Variants in SLC2A5 observed in about 807,000 individuals in gnomAD.
The protein encoded by SLC2A5 is solute carrier family 2, facilitated glucose transporter member 5.
Under a neutral mutation model 50.3 loss-of-function variants are expected in SLC2A5, and 56 were observed. The ratio of observed to expected loss-of-function variants is 1.11; its 90% CI spans 0.90 to 1.39. SLC2A5 has a LOEUF of 1.39. SLC2A5 is among the 40% of genes most tolerant of loss of function. The pLI is 0.00. For synonymous variants in SLC2A5, 269 were observed against 281.9 expected (o/e 0.95, Z 0.46); for missense variants, 566 against 650.1 (o/e 0.87, Z 1.41).
rs1641503966 is a variant in SLC2A5 at position 9,048,984 on chromosome 1, CTA to C, written c.294-1252_294-1251del. 4 of 362,988 alleles carry C rather than the reference CTA, an allele frequency of 1.1e-5. No homozygotes were observed. In the Admixed American group the frequency reaches 1.4e-4, roughly 13 times the overall value. 22.5% of individuals were successfully genotyped at this position (362,988 alleles called of 1,614,324 possible). A position where few individuals can be genotyped will look rare whatever the true frequency, so the allele number is the denominator to read the frequency against. Reference sequence around the variant, plus strand: ...TTTTTTTAAAACCAGCCTTAACAAACTATAAATAGAAGAACTTCTTTAAGCTG... The same window carrying C: ...TTTTTTTAAAACCAGCCTTAACAAACTAAATAGAAGAACTTCTTTAAGCTG... On this transcript the variant is annotated intron_variant, in intron 3 of 11. Transcript: ENST00000377424.
intron 3 of SLC2A5, among the ~76,000 whole-genome samples, chr1:9,055,255 C>T (rs1641719470): frequency 6.6e-6 from 1 of 151,952 alleles, no homozygotes; most frequent in South Asian, 2.1e-4. Flanking sequence ...CGGTGGCTCA[C>T]ACCTGTAATC....
upstream of SLC2A5, among the ~76,000 whole-genome samples, chr1:9,092,726 C>T (rs139169820): frequency 5.3e-5 from 8 of 152,282 alleles, no homozygotes; most frequent in East Asian, 1.5e-3. Context: ...TTCAGGGTGC[C>T]TCTTTCTTTT....
intron 2 of SLC2A5, among the ~76,000 whole-genome samples, chr1:9,083,947 A>G (rs1277606765): frequency 3.3e-5 from 5 of 152,054 alleles, no homozygotes; most frequent in Non-Finnish European, 7.4e-5. Context: ...GATCGAGACC[A>G]TCCTGGCTAA....
At chr1:9,057,010 G>A (rs923370682) in intron 3 of SLC2A5, among the ~76,000 whole-genome samples, 4 of 152,236 alleles carry the variant, frequency 2.6e-5, no homozygotes, top group Middle Eastern at 6.8e-3. Context: ...AAAAATGACC[G>A]GCCAGGCGCA....
exon 1 of SLC2A5, chr1:9,088,420 AC>A: frequency 6.6e-6 from 1 of 151,618 alleles, no homozygotes. Context: ...TTTGCCAACC[AC>A]CCCTGGTGGT....
At chr1:9,059,060 A>G (rs1045543496) in intron 1 of SLC2A5, among the ~76,000 whole-genome samples, 1 of 150,290 alleles carries the variant, frequency 6.7e-6, no homozygotes. Flanking sequence ...TGTTGGAGAG[A>G]GCTTGGGACG....
At chr1:9,052,321 G>A (rs1159488604) in intron 3 of SLC2A5, among the ~76,000 whole-genome samples, 1 of 152,052 alleles carries the variant, frequency 6.6e-6, no homozygotes, top group African/African-American at 2.4e-5. Context: ...CATACTATGT[G>A]ATTCCAACTA....
Position 9,057,559 on chromosome 1 carries a change from A to T in SLC2A5, c.182T>A (p.Phe61Tyr), listed in dbSNP as rs963107743. 9 of 1,613,902 alleles carry T rather than the reference A, an allele frequency of 5.6e-6. No homozygotes were observed. In the East Asian group the frequency reaches 2.0e-4, roughly 36 times the overall value. Residue 61 changes from phenylalanine to tyrosine, a missense_variant, in exon 3 of 12, where the codon TTC (phenylalanine) becomes TAC (tyrosine). By Grantham distance (22) the Phe-to-Tyr change is conservative. Transcript: ENST00000377424. The stretch of plus-strand genomic sequence containing the variant: ...CAACGTCAAGGGGAAGTCTTCCATG[A>T]ATTCACCGGTCCTACCATAGTAAGT... ...NETYYGRTGEFMEDFPLTLLW... is the reference protein window; with the variant it reads ...NETYYGRTGEYMEDFPLTLLW...
intron 1 of SLC2A5, among the ~76,000 whole-genome samples, chr1:9,064,849 T>G (rs1415725013): frequency 6.6e-6 from 1 of 151,870 alleles, no homozygotes; most frequent in Non-Finnish European, 1.5e-5. Context: ...GGTCAGGAGT[T>G]CAAGACCAGC....
chr1:9,042,428 C>T (rs966622980), intron 4 of SLC2A5, among the ~76,000 whole-genome samples: 12 of 148,418 alleles, frequency 8.1e-5, no homozygotes, highest in East Asian at 4.0e-4. Context: ...TGTGTGTGCG[C>T]GCGCATGATA....
At position 9,039,857 on chromosome 1, in the gene SLC2A5, C is replaced by T; in HGVS notation, c.828G>A (p.Trp276Ter). The T allele has an allele frequency of 6.2e-7, 1 of 1,611,440 alleles. No homozygotes were observed. The highest frequency in any genetic ancestry group is 8.5e-7 in the Non-Finnish European group (1 of 1,179,284). ...LKLFRMRSLRWQLLSIIVLMG... is the reference protein window; with the variant it reads ...LKLFRMRSLR ...TGAGGACGATGATGGACAGCAGCTG[C>T]CAGCGCAGCGAGCGCATCCGGAACA... The change falls in exon 7 of 12, where the codon TGG becomes TGA. Residue 276 changes from tryptophan (W) to a stop codon, truncating the protein, a stop_gained. Transcript: ENST00000377424. LOFTEE classifies it high-confidence loss of function.
upstream of SLC2A5, among the ~76,000 whole-genome samples, chr1:9,090,027 T>C (rs139526829): frequency 1.3e-5 from 2 of 152,296 alleles, no homozygotes; most frequent in East Asian, 3.9e-4. Flanking sequence ...TCCGTTTCTG[T>C]TGGCGTGAGG....
chr1:9,058,437 C>T (rs1479347253), intron 1 of SLC2A5, among the ~76,000 whole-genome samples, 187 bp from the exon 2 acceptor site: 1 of 152,212 alleles, frequency 6.6e-6, no homozygotes, highest in Non-Finnish European at 1.5e-5. Context: ...ACTTTTGACA[C>T]TTGGGGTCTG....
At chr1:9,064,910 G>A (rs754708934) in intron 1 of SLC2A5, among the ~76,000 whole-genome samples, 3 of 151,894 alleles carry the variant, frequency 2.0e-5, no homozygotes, top group African/African-American at 4.8e-5. Flanking sequence ...AAAGTTAGCC[G>A]GGCATGGTGG....
Position 9,039,561 on chromosome 1 carries a change from G to A in SLC2A5, c.987C>T (p.Thr329=). 1.9e-6 allele frequency: 3 copies of A among 1,571,872 alleles called. No individual in the cohort carries two copies. Among genetic ancestry groups the A allele is most frequent in the African/African-American group, 1.4e-5 (1 of 73,562 alleles). The change falls in exon 8 of 12, where the codon ACC becomes ACT. Residue 329 remains threonine, a synonymous_variant. Coordinates refer to ENST00000377424, the MANE Select transcript of SLC2A5 (RefSeq NM_003039.3). ...AGTGAVNVVM[T]FCAVFVVELL... ...CTCCCAGGACACTCACGGCGCAGAA[G>A]GTCATGACCACGTTCACGGCCCCGG...
intron 10 of SLC2A5, 63 bp downstream of exon 10, chr1:9,038,368 C>T: frequency 1.6e-6 from 2 of 1,248,512 alleles, no homozygotes; most frequent in Middle Eastern, 1.9e-4. Context: ...TAAGGAGCTC[C>T]AGCCCGGAGC....
Position 9,040,222 on chromosome 1 carries a change from C to T in SLC2A5, c.572-33G>A, listed in dbSNP as rs2124312621. 1 of 1,539,614 alleles carries T rather than the reference C, an allele frequency of 6.5e-7. No individual in the cohort carries two copies. The highest frequency in any genetic ancestry group is 8.7e-7 in the Non-Finnish European group (1 of 1,145,276). On this transcript the variant is annotated intron_variant, in intron 5 of 11. Coordinates refer to ENST00000377424, the MANE Select transcript of SLC2A5 (RefSeq NM_003039.3). The surrounding 1 kb of genome is among the most constrained non-coding windows in gnomAD (Gnocchi z 4.3). Reference sequence around the variant, plus strand: ...GAAGGCAGCGAGCTGGCACCAGCGGCCTCCCCACCACCCCGAAGGCGCCCT... The same window carrying T: ...GAAGGCAGCGAGCTGGCACCAGCGGTCTCCCCACCACCCCGAAGGCGCCCT...
intron 1 of SLC2A5, among the ~76,000 whole-genome samples, chr1:9,059,132 C>CTT (rs1416919220): frequency 0.013 from 1,004 of 80,116 alleles, 78 homozygotes; most frequent in East Asian, 0.025. Context: ...AGCCGCCTTT[C>CTT]TTTCTTTTTT....
chr1:9,068,189 C>CAA (rs755203801), intron 1 of SLC2A5, among the ~76,000 whole-genome samples: 1,890 of 77,022 alleles, frequency 0.025, 148 homozygotes, highest in African/African-American at 0.083. Flanking sequence ...GACTCTGTGT[C>CAA]AAAAAAAAAA....
Sources: allele counts gnomAD v4.1 joint callset (sites outside exome capture counted in the v4.1 genomes callset), GRCh38; gene constraint gnomAD v4.1.1; non-coding constraint Gnocchi (gnomAD v3.1); transcripts MANE v1.5; gene names NCBI Gene and HGNC (gene_info 2026-07-23, HGNC 2026-07-21).